POFUT2: variants seen among roughly 807,000 people sequenced by gnomAD.
POFUT2 encodes GDP-fucose protein O-fucosyltransferase 2.
A neutral mutation model predicts 55.0 loss-of-function variants in POFUT2; 30 were observed. The observed-to-expected ratio is 0.55, with a 90% confidence interval of 0.41 to 0.74. The LOEUF is 0.74. Among genes scored for constraint, POFUT2 ranks in the 30% least tolerant of loss-of-function variants. The pLI is 0.00. For missense variants in POFUT2, 524 were observed against 562.6 expected, an observed-to-expected ratio of 0.93 and a Z score of 0.69; for synonymous variants, 267 against 231.1, an observed-to-expected ratio of 1.16 and a Z score of -1.41.
rs1569237921 is a variant in POFUT2 at position 45,285,959 on chromosome 21, C to G, written c.132-31G>C. ...CAGGGAGAAGGAGGACCACAGGTCT[C>G]AAATGCTGAGGTTTCTGCACGGAAA... On this transcript the variant is annotated intron_variant, in intron 1 of 8. Transcript: ENST00000349485. The surrounding 1 kb of genome is among the most constrained non-coding windows in gnomAD (Gnocchi z 4.9). 2 of 1,573,072 alleles carry G rather than the reference C, an allele frequency of 1.3e-6. No individual in the cohort carries two copies. The highest frequency in any genetic ancestry group is 1.7e-4 in the Middle Eastern group (1 of 5,894).
In POFUT2 at chr21:45,277,176, G is replaced by T. The variant is rs771836753; in HGVS notation, c.706-34C>A. ...ACGGCGACGGCTCGGCTGAGAACAC[G>T]CCCGCCCGCCACGCAGCCCTCCCGG... On this transcript the variant is annotated intron_variant, in intron 5 of 8. Transcript: ENST00000349485. The surrounding 1 kb of genome is among the most constrained non-coding windows in gnomAD (Gnocchi z 6.9). The T allele has an allele frequency of 3.1e-6, 5 of 1,601,194 alleles. No homozygotes were observed. The highest frequency in any genetic ancestry group is 2.6e-6 in the Non-Finnish European group (3 of 1,176,136).
Position 45,277,849 on chromosome 21 carries a change from G to C in POFUT2, c.705+254C>G, listed in dbSNP as rs1351274782. ...CTGACTCCGGGGCTGACTCCAGGGC[G>C]CTGCCACCGCATTCAGGGCCTGTGG... is the stretch of plus-strand genomic sequence containing the variant. On this transcript the variant is annotated intron_variant, in intron 5 of 8. Coordinates refer to ENST00000349485, the MANE Select transcript of POFUT2 (RefSeq NM_133635.6). This position sits in a 1 kb window ranked among gnomAD's most constrained non-coding sequence, Gnocchi z 6.9. The C allele has an allele frequency of 1.8e-6, 1 of 559,302 alleles. No homozygotes were observed. Among genetic ancestry groups the C allele is most frequent in the African/African-American group, 1.9e-5 (1 of 52,848 alleles). 34.6% of individuals were successfully genotyped at this position (559,302 alleles called of 1,614,324 possible).
rs775328362 is a variant in POFUT2 at position 45,264,234 on chromosome 21, C to T, written c.*1248G>A. ...TCCCTCCTAACTGTCCTCTCTCTGT[C>T]ACAGGTGTCCATGTCACTGTTCCTC... On this transcript the variant is annotated 3_prime_UTR_variant, in exon 9 of 9. Transcript: ENST00000349485. 1.3e-5 allele frequency: 2 copies of T among 152,280 alleles called. No homozygotes were observed. Among genetic ancestry groups the T allele is most frequent in the Non-Finnish European group, 2.9e-5 (2 of 68,074 alleles). The allele number at this position is 152,280 out of a possible 1,614,324, so 9.4% of individuals were successfully genotyped here.
chr21:45,279,180 A>C lies in POFUT2; in HGVS notation c.639-1011T>G, dbSNP rs7509664. Among the ~76,000 whole-genome samples the C allele has an allele frequency of 4.1e-5, 6 of 147,594 alleles. No individual in the cohort carries two copies. In the South Asian group the frequency reaches 1.3e-3, roughly 31 times the overall value. The stretch of plus-strand genomic sequence containing the variant: ...GCCAAGGTGGGCGGATCACGAGGTC[A>C]GGAGATCGAGACCATCCTGGCTAAG... On this transcript the variant is annotated intron_variant, in intron 4 of 8. Coordinates refer to ENST00000349485, the MANE Select transcript of POFUT2 (RefSeq NM_133635.6).
rs542432355 is a variant in POFUT2, at chr21:45,265,218, A to G, written c.*264T>C. 392 of 363,230 alleles carry G rather than the reference A, an allele frequency of 1.1e-3. 3 individuals are homozygous for G. Among genetic ancestry groups the G allele is most frequent in the African/African-American group, 7.7e-3 (370 of 47,948 alleles). The allele number at this position is 363,230 out of a possible 1,614,324, so 22.5% of individuals were successfully genotyped here. Reference sequence around the variant, plus strand: ...GGTCACCACGCGGGCACTGCTGGCAACCGAGCTGTGGGTTCACAGACGCTG... The same window carrying G: ...GGTCACCACGCGGGCACTGCTGGCAGCCGAGCTGTGGGTTCACAGACGCTG... On this transcript the variant is annotated 3_prime_UTR_variant, in exon 9 of 9. Transcript: ENST00000349485. This position sits in a 1 kb window ranked among gnomAD's most constrained non-coding sequence, Gnocchi z 4.6.
intron 4 of POFUT2, 123 bp from the exon 5 acceptor site, chr21:45,278,292 A>G: frequency 1.2e-6 from 1 of 848,418 alleles, no homozygotes; most frequent in Non-Finnish European, 2.0e-6. Context: ...TCCGAGGGAC[A>G]CTAACCAGGG....
chr21:45,269,830 G>A lies in POFUT2; in HGVS notation c.1012+9C>T. 3.8e-6 allele frequency: 6 copies of A among 1,591,108 alleles called. No individual in the cohort carries two copies. Among genetic ancestry groups the A allele is most frequent in the Non-Finnish European group, 4.3e-6 (5 of 1,173,342 alleles). ...AAAGGAAAGAAACGAAAGCATTGAA[G>A]CTCCATACCCTTTCTGACGGCATCT... On this transcript the variant is annotated intron_variant, in intron 7 of 8. Coordinates refer to ENST00000349485, the MANE Select transcript of POFUT2 (RefSeq NM_133635.6).
chr21:45,280,046 TC>T (rs1418775559), intron 4 of POFUT2, among the ~76,000 whole-genome samples: 1 of 152,156 alleles, frequency 6.6e-6, no homozygotes, highest in Non-Finnish European at 1.5e-5. Context: ...ATACTGCACT[TC>T]AAGACGCACA....
chr21:45,275,705 C>A (rs975914038), intron 6 of POFUT2, among the ~76,000 whole-genome samples: 8 of 152,078 alleles, frequency 5.3e-5, no homozygotes, highest in African/African-American at 1.9e-4. Flanking sequence ...GATGTAAAGG[C>A]ATAAGAATGA....
In POFUT2 at chr21:45,283,315, GGGGGGACGCATGCGGCAGGGGGAGGT is replaced by G. The variant is rs2030960542; in HGVS notation, c.527+42_527+67del. ...GGCGGGGGGCGCCTGAGGCGGGGGG[GGGGGGACGCATGCGGCAGGGGGAGGT>G]GGGGGGGCACCTGCGGCAGGGGGAG... On this transcript the variant is annotated intron_variant, in intron 3 of 8. Transcript: ENST00000349485. The G allele has an allele frequency of 6.2e-6, 5 of 804,486 alleles. No individual in the cohort carries two copies. The East Asian group carries it at 1.2e-4, about 19-fold the overall frequency. The allele number at this position is 804,486 out of a possible 1,614,324, so 49.8% of individuals were successfully genotyped here. A position where few individuals can be genotyped will look rare whatever the true frequency, so the allele number is the denominator to read the frequency against.
rs928297643 is a variant in POFUT2, at chr21:45,267,075, C to T, written c.1136+515G>A. On this transcript the variant is annotated intron_variant, in intron 8 of 8. Coordinates refer to ENST00000349485, the MANE Select transcript of POFUT2 (RefSeq NM_133635.6). This position sits in a 1 kb window ranked among gnomAD's most constrained non-coding sequence, Gnocchi z 4.4. ...ACACGAGGGCCCACGCTCCCGGCCT[C>T]GGGGACGCTCACGGCAGCCCCACAA... is the stretch of plus-strand genomic sequence containing the variant. The T allele has an allele frequency of 7.8e-5, 87 of 1,115,270 alleles. No homozygotes were observed. The highest frequency in any genetic ancestry group is 6.3e-4 in the Admixed American group (13 of 20,664). 69.1% of individuals were successfully genotyped at this position (1,115,270 alleles called of 1,614,324 possible).
At position 45,269,872 on chromosome 21, in the gene POFUT2, T is replaced by C. The variant is rs770138570; in HGVS notation, c.979A>G (p.Lys327Glu). 4.3e-6 allele frequency: 7 copies of C among 1,610,356 alleles called. No individual in the cohort carries two copies. In the South Asian group the frequency reaches 7.8e-5, roughly 18 times the overall value. ...RSLMKTHRLDKVFVATDAVRK... is the reference protein window; with the variant it reads ...RSLMKTHRLDEVFVATDAVRK... ...ACGGCATCTGTGGCCACAAACACCT[T>C]GTCCAGCCGGTGGGTCTTCATGAGG... The change falls in exon 7 of 9, where the codon AAG (lysine) becomes GAG (glutamate). Residue 327 changes from lysine to glutamate, a missense_variant. Lys to Glu is a moderately conservative substitution (Grantham distance 56). Coordinates refer to ENST00000349485, the MANE Select transcript of POFUT2 (RefSeq NM_133635.6).
rs1335987493 is a variant in POFUT2 at position 45,266,605 on chromosome 21, C to T, written c.1137-970G>A. ...TCGTAACTGGGCTCCTGCACACCTC[C>T]GCCCTGACCTAAGAAGTCAGCGCTG... On this transcript the variant is annotated intron_variant, in intron 8 of 8. Transcript: ENST00000349485. 5 of 1,034,480 alleles carry T rather than the reference C, an allele frequency of 4.8e-6. No individual in the cohort carries two copies. In the Admixed American group the frequency reaches 1.5e-4, roughly 31 times the overall value. 64.1% of individuals were successfully genotyped at this position (1,034,480 alleles called of 1,614,324 possible). A position where few individuals can be genotyped will look rare whatever the true frequency, so the allele number is the denominator to read the frequency against.
At chr21:45,266,322 C>A in intron 8 of POFUT2, 1 of 1,359,920 alleles carries the variant, frequency 7.4e-7, no homozygotes, top group Admixed American at 1.9e-5. Flanking sequence ...GCCACACAGG[C>A]CTGTATGCTG....
At position 45,284,793 on chromosome 21, in the gene POFUT2, A is replaced by G. The variant is rs1374393839; in HGVS notation, c.382+885T>C. Among the ~76,000 whole-genome samples, 3 of 152,186 alleles carry G rather than the reference A, an allele frequency of 2.0e-5. No homozygotes were observed. Among genetic ancestry groups the G allele is most frequent in the Non-Finnish European group, 4.4e-5 (3 of 68,042 alleles). On this transcript the variant is annotated intron_variant, in intron 2 of 8. Coordinates refer to ENST00000349485, the MANE Select transcript of POFUT2 (RefSeq NM_133635.6). This position sits in a 1 kb window ranked among gnomAD's most constrained non-coding sequence, Gnocchi z 5.8. ...GACTCACAAGCAAATTTTAAAGTCA[A>G]CTCAGGAAAGGACGCACTCCAGGAA...
intron 6 of POFUT2, among the ~76,000 whole-genome samples, chr21:45,272,293 AC>A (rs1161766409): frequency 2.0e-5 from 3 of 152,208 alleles, no homozygotes; most frequent in African/African-American, 7.2e-5. Context: ...TAAAGCAACA[AC>A]AGTTAAAAAA....
rs372690627 is a variant in POFUT2, at chr21:45,284,877, C to T, written c.382+801G>A. Among the ~76,000 whole-genome samples, 7 of 152,118 alleles carry T rather than the reference C, an allele frequency of 4.6e-5. No homozygotes were observed. Among genetic ancestry groups the T allele is most frequent in the Non-Finnish European group, 1.0e-4 (7 of 68,018 alleles). ...TATCAACAAGGATGTTGGAGGTTAC[C>T]GCCTGTTGTTGCATGCCCCTAGCAC... On this transcript the variant is annotated intron_variant, in intron 2 of 8. Transcript: ENST00000349485. The surrounding 1 kb of genome is among the most constrained non-coding windows in gnomAD (Gnocchi z 5.8).
At chr21:45,272,243 G>C (rs1187893911) in intron 6 of POFUT2, among the ~76,000 whole-genome samples, 1 of 152,154 alleles carries the variant, frequency 6.6e-6, no homozygotes, top group Non-Finnish European at 1.5e-5. Context: ...GACACCAAAA[G>C]CGAGTACAGT....
Position 45,287,873 on chromosome 21 carries a change from G to C in POFUT2, c.-2C>G. On this transcript the variant is annotated 5_prime_UTR_variant, in exon 1 of 9. Transcript: ENST00000349485. ...GAAGACGAAGCTGAGTGTCGCCATG[G>C]CCCCGGGCGGCCACGCACTTCCGGC... 7.5e-7 allele frequency: 1 copy of C among 1,342,058 alleles called. No homozygotes were observed. Among genetic ancestry groups the C allele is most frequent in the Middle Eastern group, 2.5e-4 (1 of 4,030 alleles). 83.1% of individuals were successfully genotyped at this position (1,342,058 alleles called of 1,614,324 possible).
Sources: allele counts gnomAD v4.1 joint callset (sites outside exome capture counted in the v4.1 genomes callset), GRCh38; gene constraint gnomAD v4.1.1; non-coding constraint Gnocchi (gnomAD v3.1); transcripts MANE v1.5; gene names NCBI Gene and HGNC (gene_info 2026-07-23, HGNC 2026-07-21).